UBXN11: variants seen among roughly 807,000 people sequenced by gnomAD.
The protein encoded by UBXN11 is UBX domain-containing protein 11.
In UBXN11, 47 loss-of-function variants were observed where a neutral mutation model predicts 62.8. The observed-to-expected ratio is 0.75, with a 90% CI of 0.59 to 0.95. The LOEUF is 0.95. Among genes scored for constraint, UBXN11 ranks in the 40% least tolerant of loss-of-function variants. UBXN11 has a pLI of 0.00. For missense variants in UBXN11, 638 were observed against 661.7 expected (o/e 0.96, Z 0.39); for synonymous variants, 294 against 267.0 (o/e 1.10, Z -0.99).
upstream of UBXN11, among the ~76,000 whole-genome samples, chr1:26,310,226 C>G (rs1320927126): frequency 1.3e-5 from 2 of 152,118 alleles, no homozygotes; most frequent in African/African-American, 2.4e-5. Flanking sequence ...CATGACGAAA[C>G]CCTGTCTCTA....
chr1:26,295,522 C>T (rs775592402), intron 7 of UBXN11, among the ~76,000 whole-genome samples: 6 of 152,258 alleles, frequency 3.9e-5, no homozygotes, highest in South Asian at 2.1e-4. Flanking sequence ...AAGGCCCCCA[C>T]GACCTCTTCT....
intron 4 of UBXN11, 91 bp from the exon 5 acceptor site, chr1:26,298,153 A>G: frequency 7.4e-7 from 1 of 1,350,882 alleles, no homozygotes; most frequent in Non-Finnish European, 1.0e-6. Flanking sequence ...CCAGGAATGG[A>G]AATGAAGGTA....
rs2073573778 is a variant in UBXN11 at position 26,302,864 on chromosome 1, G to A, written c.20C>T (p.Ser7Phe). 6.2e-7 allele frequency: 1 copy of A among 1,613,972 alleles called. No individual in the cohort carries two copies. ...GGGCACTTTTCGGGTCTTGCTAAGG[G>A]AGGCCAAAGGTGAGCTCATAGTTCT... MSSPLA[S>F]LSKTRKVPLP... The change falls in exon 2 of 15, where the codon TCC (serine) becomes TTC (phenylalanine). Residue 7 changes from serine (S) to phenylalanine (F), a missense_variant. Transcript: ENST00000374222.
rs896363152 is a variant in UBXN11, at chr1:26,285,230, C to G, written c.852+234G>C. ...GGGGAGGACTAGAAGGCAGGGGCCC[C>G]GCAGCCGAGGCTGTCTCCAGGGTGC... On this transcript the variant is annotated intron_variant, in intron 10 of 14. Transcript: ENST00000374222. The G allele has an allele frequency of 6.1e-6, 8 of 1,313,050 alleles. No individual in the cohort carries two copies. In the African/African-American group the frequency reaches 1.1e-4, roughly 17 times the overall value. 81.3% of individuals were successfully genotyped at this position (1,313,050 alleles called of 1,614,324 possible).
intron 12 of UBXN11, among the ~76,000 whole-genome samples, 188 bp downstream of exon 12, chr1:26,283,954 C>T (rs2073063128): frequency 6.6e-6 from 1 of 152,216 alleles, no homozygotes; most frequent in Non-Finnish European, 1.5e-5. Flanking sequence ...AACCCACCTG[C>T]TTTCCGGGGC....
At chr1:26,298,263 T>C (rs1029127562) in intron 4 of UBXN11, among the ~76,000 whole-genome samples, 3 of 152,216 alleles carry the variant, frequency 2.0e-5, no homozygotes, top group Admixed American at 2.0e-4. Flanking sequence ...GTAAATGAAC[T>C]GTTTTAGGAA....
chr1:26,292,051 C>A (rs1042613187), intron 8 of UBXN11, among the ~76,000 whole-genome samples: 1 of 152,198 alleles, frequency 6.6e-6, no homozygotes, highest in Non-Finnish European at 1.5e-5. Flanking sequence ...TCTCACCATC[C>A]CCACCCTCAA....
intron 1 of UBXN11, 129 bp from the exon 2 acceptor site, chr1:26,303,047 T>G (rs1020802373): frequency 2.2e-5 from 13 of 603,606 alleles, no homozygotes; most frequent in Non-Finnish European, 3.8e-5. Flanking sequence ...CAGTACCTTT[T>G]GCCTCTTCCA....
At chr1:26,317,827 T>C in intron 1 of UBXN11, 1 of 582,314 alleles carries the variant, frequency 1.7e-6, no homozygotes, top group Non-Finnish European at 3.1e-6. Context: ...GAGCCTGGTA[T>C]TATCCACCCC....
upstream of UBXN11, among the ~76,000 whole-genome samples, chr1:26,309,226 C>A (rs1480610991): frequency 1.3e-5 from 2 of 148,248 alleles, no homozygotes; most frequent in Admixed American, 1.4e-4. Context: ...AGCCACTGCG[C>A]CCTGTCCCGA....
At chr1:26,288,839 C>T (rs980474723) in intron 8 of UBXN11, among the ~76,000 whole-genome samples, 2 of 152,300 alleles carry the variant, frequency 1.3e-5, no homozygotes, top group East Asian at 3.9e-4. Flanking sequence ...GAAATTGGGC[C>T]TTATGAGCTG....
intron 1 of UBXN11, among the ~76,000 whole-genome samples, chr1:26,303,630 C>CAAAAAAAAAA (rs5773154): frequency 7.5e-5 from 6 of 80,064 alleles, no homozygotes; most frequent in African/African-American, 2.1e-4. Flanking sequence ...AACTCCATCT[C>CAAAAAAAAAA]AAAAAAAAAA....
chr1:26,286,862 C>T (rs1329160943), intron 8 of UBXN11, among the ~76,000 whole-genome samples: 1 of 152,076 alleles, frequency 6.6e-6, no homozygotes, highest in Non-Finnish European at 1.5e-5. Context: ...CCACACCCGG[C>T]TAATTTTTGT....
upstream of UBXN11, chr1:26,306,836 G>C (rs963254721): frequency 3.3e-5 from 4 of 121,556 alleles, no homozygotes; most frequent in African/African-American, 1.3e-4. Context: ...GGGTGGGGGG[G>C]GGGGGTGGTT....
chr1:26,290,038 C>A (rs1487596521), intron 8 of UBXN11, among the ~76,000 whole-genome samples: 2 of 152,218 alleles, frequency 1.3e-5, no homozygotes, highest in Non-Finnish European at 2.9e-5. Flanking sequence ...TGAACTCAGG[C>A]CTGCCGGGTC....
At chr1:26,298,893 A>T (rs894049782) in intron 4 of UBXN11, among the ~76,000 whole-genome samples, 2 of 151,994 alleles carry the variant, frequency 1.3e-5, no homozygotes, top group Non-Finnish European at 2.9e-5. Context: ...TGTATGAAGC[A>T]GGAACCGCGG....
intron 4 of UBXN11, 103 bp from the exon 5 acceptor site, chr1:26,298,165 T>C (rs1036165102): frequency 1.3e-5 from 15 of 1,172,668 alleles, no homozygotes; most frequent in Non-Finnish European, 1.7e-5. Flanking sequence ...ATGAAGGTAC[T>C]GAGAGCAGCT....
chr1:26,285,266 C>T (rs1273826982), intron 10 of UBXN11, 198 bp downstream of exon 10: 6 of 1,351,682 alleles, frequency 4.4e-6, no homozygotes, highest in African/African-American at 1.5e-5. Context: ...CAGCAGAGGG[C>T]GCTGCCTGCT....
chr1:26,288,262 T>C (rs1003094163), intron 8 of UBXN11, among the ~76,000 whole-genome samples: 2 of 152,054 alleles, frequency 1.3e-5, no homozygotes, highest in Non-Finnish European at 2.9e-5. Context: ...CCGGGGGTTT[T>C]TCAGGCTGAT....
Sources: allele counts gnomAD v4.1 joint callset (sites outside exome capture counted in the v4.1 genomes callset), GRCh38; gene constraint gnomAD v4.1.1; transcripts MANE v1.5; gene names NCBI Gene and HGNC (gene_info 2026-07-23, HGNC 2026-07-21).